COIL: variants seen among roughly 807,000 people sequenced by gnomAD.
COIL encodes coilin p80.
COIL carries 28 observed loss-of-function variants against 51.6 expected under a neutral mutation model. That is an observed-to-expected ratio of 0.54 (90% CI 0.40 to 0.74). COIL has a LOEUF of 0.74. Among genes scored for constraint, COIL ranks in the 30% least tolerant of loss-of-function variants. The pLI, the probability that COIL is intolerant of heterozygous loss-of-function variation, is 0.00. For synonymous variants in COIL, 233 were observed against 255.8 expected (o/e 0.91, Z 0.85); for missense variants, 667 against 685.9 (o/e 0.97, Z 0.31).
At chr17:56,957,700 G>A (rs891597953) in intron 1 of COIL, among the ~76,000 whole-genome samples, 2 of 152,132 alleles carry the variant, frequency 1.3e-5, no homozygotes, top group African/African-American at 4.8e-5. Flanking sequence ...TCTTGGACTT[G>A]TAGTCTCCAG....
At chr17:56,941,872 T>C (rs1249492386) in intron 6 of COIL, among the ~76,000 whole-genome samples, 163 bp downstream of exon 6, 2 of 152,246 alleles carry the variant, frequency 1.3e-5, no homozygotes, top group Non-Finnish European at 2.9e-5. Flanking sequence ...ACATAGGCTC[T>C]ATGAGGGCCA....
At chr17:56,960,728 C>G in intron 1 of COIL, 47 bp downstream of exon 1, 14 of 1,359,962 alleles carry the variant, frequency 1.0e-5, no homozygotes, top group Non-Finnish European at 1.3e-5. Context: ...GCAGGCGCGT[C>G]CCCCGCCCGC....
chr17:56,947,097 G>A (rs1910263301), intron 4 of COIL, among the ~76,000 whole-genome samples: 1 of 152,146 alleles, frequency 6.6e-6, no homozygotes, highest in Non-Finnish European at 1.5e-5. Flanking sequence ...CCATGCACGT[G>A]GGCGATGGGG....
chr17:56,958,880 G>A (rs1277513776), intron 1 of COIL, among the ~76,000 whole-genome samples: 13 of 152,164 alleles, frequency 8.5e-5, no homozygotes, highest in African/African-American at 2.9e-4. Context: ...ATAATATCCT[G>A]ATTTAAAGAT....
At position 56,941,443 on chromosome 17, in the gene COIL, G is replaced by A. The variant is rs537909893; in HGVS notation, c.1647+592C>T. Among the ~76,000 whole-genome samples, 13 of 152,268 alleles carry A rather than the reference G, an allele frequency of 8.5e-5. No individual in the cohort carries two copies. The South Asian group carries it at 2.5e-3, about 29-fold the overall frequency. On this transcript the variant is annotated intron_variant, in intron 6 of 6. Coordinates refer to ENST00000240316, the MANE Select transcript of COIL (RefSeq NM_004645.3). ...AAATTAGCTGGGTGAGGTGGCAAGC[G>A]CCTGTAATTCTAGCTACTCCAGAGG... is the stretch of plus-strand genomic sequence containing the variant.
At position 56,960,711 on chromosome 17, in the gene COIL, G is replaced by A. The variant is rs1209570550; in HGVS notation, c.245+64C>T. ...ACCAGGTCTAGCGGCTTCAGGCCCG[G>A]GCGTGCGCAGGCGCGTCCCCCGCCC... On this transcript the variant is annotated intron_variant, in intron 1 of 6. Transcript: ENST00000240316. 18 of 1,319,314 alleles carry A rather than the reference G, an allele frequency of 1.4e-5. No homozygotes were observed. The African/African-American group carries it at 2.5e-4, about 18-fold the overall frequency. 81.7% of individuals were successfully genotyped at this position (1,319,314 alleles called of 1,614,324 possible). A position where few individuals can be genotyped will look rare whatever the true frequency, so the allele number is the denominator to read the frequency against.
At position 56,960,890 on chromosome 17, in the gene COIL, G is replaced by T; in HGVS notation, c.130C>A (p.Leu44Ile). 3 of 1,614,222 alleles carry T rather than the reference G, an allele frequency of 1.9e-6. No individual in the cohort carries two copies. The highest frequency in any genetic ancestry group is 2.5e-6 in the Non-Finnish European group (3 of 1,180,016). The stretch of plus-strand genomic sequence containing the variant: ...CTGAAGCCGAAGCGCTGGCGGATGA[G>T]ACTAATGAGATCTGTGACGACTCGG... ...RCRVVTDLIS[L>I]IRQRFGFSSG... The change falls in exon 1 of 7, where the codon CTC becomes ATC. Residue 44 changes from leucine (L) to isoleucine (I), a missense_variant. Coordinates refer to ENST00000240316, the MANE Select transcript of COIL (RefSeq NM_004645.3).
chr17:56,948,315 A>G (rs1412621271), intron 4 of COIL, among the ~76,000 whole-genome samples: 1 of 148,492 alleles, frequency 6.7e-6, no homozygotes, highest in African/African-American at 2.5e-5. Flanking sequence ...TTTTTTTTGT[A>G]TTTTTACTAG....
In COIL at chr17:56,949,678, T is replaced by C. The variant is rs1910317908; in HGVS notation, c.1440+3A>G. 14 of 1,611,740 alleles carry C rather than the reference T, an allele frequency of 8.7e-6. No homozygotes were observed. Among genetic ancestry groups the C allele is most frequent in the African/African-American group, 1.3e-5 (1 of 75,022 alleles). ...TTGCTGTGACTGTTCTTTTGAAATATACCTTAAATGCAATCTTTTCTCCAA... is the reference window on the plus strand; with the variant it reads ...TTGCTGTGACTGTTCTTTTGAAATACACCTTAAATGCAATCTTTTCTCCAA... On this transcript the variant is annotated splice_donor_region_variant and intron_variant, in intron 3 of 6. Transcript: ENST00000240316.
At chr17:56,951,357 C>G (rs1910366054) in intron 1 of COIL, 1 of 179,130 alleles carries the variant, frequency 5.6e-6, no homozygotes, top group Non-Finnish European at 1.1e-5. Context: ...AGCAGAAACG[C>G]AATTCAAACT....
rs187110117 is a variant in COIL at position 56,956,233 on chromosome 17, C to T, written c.245+4542G>A. Among the ~76,000 whole-genome samples the T allele has an allele frequency of 1.6e-4, 25 of 152,158 alleles. 1 individual carries two copies. The highest frequency in any genetic ancestry group is 5.5e-4 in the African/African-American group (23 of 41,524). On this transcript the variant is annotated intron_variant, in intron 1 of 6. Transcript: ENST00000240316. The stretch of plus-strand genomic sequence containing the variant: ...ACTACAGCAATATGAAATGAGAACT[C>T]GTCTCTAATATTTTGTTTTGTTTGA...
chr17:56,953,410 C>CA (rs11382949), intron 1 of COIL, among the ~76,000 whole-genome samples: 27,486 of 83,976 alleles, frequency 0.33, 4,283 homozygotes, highest in East Asian at 0.45. Flanking sequence ...GACTCCGTCT[C>CA]AAAAAAAAAA....
chr17:56,939,885 G>T (rs1184129659), intron 6 of COIL: 1 of 152,200 alleles, frequency 6.6e-6, no homozygotes, highest in East Asian at 1.9e-4. Flanking sequence ...CCCTGCATTT[G>T]ATTTGCCCTG....
At chr17:56,943,896 G>T (rs1403063670) in intron 5 of COIL, among the ~76,000 whole-genome samples, 1 of 151,996 alleles carries the variant, frequency 6.6e-6, no homozygotes, top group African/African-American at 2.4e-5. Context: ...TTGAGACAGG[G>T]TCTTGCTCAC....
chr17:56,949,327 T>C, intron 4 of COIL, 60 bp downstream of exon 4: 3 of 1,358,520 alleles, frequency 2.2e-6, no homozygotes, highest in Non-Finnish European at 3.1e-6. Flanking sequence ...CAAGTAGTAT[T>C]AAATATGACT....
chr17:56,941,935 TC>T (rs977302262), intron 6 of COIL, 99 bp downstream of exon 6: 72 of 951,440 alleles, frequency 7.6e-5, no homozygotes, highest in African/African-American at 7.1e-4. Flanking sequence ...AAGGTCAGAT[TC>T]CCCCCAGGGC....
In COIL at chr17:56,950,303, T is replaced by C. The variant is rs1910335679; in HGVS notation, c.939A>G (p.Thr313=). 3.1e-6 allele frequency: 5 copies of C among 1,614,192 alleles called. No individual in the cohort carries two copies. In the Middle Eastern group the frequency reaches 4.9e-4, roughly 160 times the overall value. The change falls in exon 2 of 7, where the codon ACA becomes ACG. Residue 313 remains threonine (T), a synonymous_variant. Coordinates refer to ENST00000240316, the MANE Select transcript of COIL (RefSeq NM_004645.3). ...CTGCACTAGAGTCTGAACTGGAAGA[T>C]GTTGTTCCAGAGGTCTTGCCCTTGC... ...TPSKGKTSGT[T]SSSSDSSAES... is the part of the protein sequence containing the mutation.
chr17:56,947,373 A>T (rs1910270271), intron 4 of COIL, among the ~76,000 whole-genome samples: 1 of 152,176 alleles, frequency 6.6e-6, no homozygotes, highest in South Asian at 2.1e-4. Context: ...TTCATTCTTA[A>T]AATGTTTTTG....
chr17:56,949,993 G>C lies in COIL; in HGVS notation c.1249C>G (p.Arg417Gly), dbSNP rs769488674. The stretch of plus-strand genomic sequence containing the variant: ...CAGGAAACAGGATGCCCTCGTCCTC[G>C]ACCTCTCCCCCGCATGCCCCGTCCC... ...AKGRGMRGRG[R>G]GRGHPVSCVV... Residue 417 changes from arginine to glycine, a missense_variant, in exon 2 of 7, where the codon CGA becomes GGA. Coordinates refer to ENST00000240316, the MANE Select transcript of COIL (RefSeq NM_004645.3). 3.1e-6 allele frequency: 5 copies of C among 1,614,062 alleles called. No homozygotes were observed. Among genetic ancestry groups the C allele is most frequent in the Non-Finnish European group, 4.2e-6 (5 of 1,180,018 alleles).
Sources: gnomAD v4.1 joint callset for allele counts (sites outside exome capture counted in the v4.1 genomes callset) on GRCh38, gnomAD v4.1.1 for gene constraint, MANE v1.5 for transcripts, NCBI Gene and HGNC (gene_info 2026-07-23, HGNC 2026-07-21) for gene names.